UBAC2: variants seen among roughly 807,000 people sequenced by gnomAD.
UBAC2 encodes the protein UBA domain containing 2, also known as ubiquitin-associated domain-containing protein 2.
UBAC2 carries 26 observed loss-of-function variants against 44.0 expected under a neutral mutation model. The ratio of observed to expected loss-of-function variants is 0.59; its 90% CI spans 0.43 to 0.82. The LOEUF (loss-of-function observed/expected upper bound fraction) is 0.82, where lower values mean the gene tolerates loss of function less well. Ranked by LOEUF, UBAC2 falls within the 40% of genes least tolerant of loss-of-function variation. The pLI is 0.00. For missense variants in UBAC2, 329 were observed against 419.4 expected (o/e 0.78, Z 1.88); for synonymous variants, 155 against 154.3 (o/e 1.00, Z -0.04).
At position 99,381,079 on chromosome 13, in the gene UBAC2, G is replaced by A. The variant is rs906058980; in HGVS notation, c.928-4149G>A. ...TCTGAGAGAATGAACTCAGAAGGAA[G>A]TCTCGTGTACATAGAAAGCTTTCGT... On this transcript the variant is annotated intron_variant, in intron 8 of 8. Transcript: ENST00000403766. 3.2e-4 allele frequency among the ~76,000 whole-genome samples: 49 copies of A among 152,264 alleles called. 1 individual carries two copies. Among genetic ancestry groups the A allele is most frequent in the Non-Finnish European group, 4.4e-5 (3 of 68,042 alleles).
At chr13:99,361,772 A>G (rs1237196420) in intron 7 of UBAC2, among the ~76,000 whole-genome samples, 1 of 152,164 alleles carries the variant, frequency 6.6e-6, no homozygotes, top group Non-Finnish European at 1.5e-5. Flanking sequence ...GTGAGCAGAC[A>G]TTGCCAAATA....
Position 99,385,454 on chromosome 13 carries a change from G to A in UBAC2, c.*119G>A. 1 of 792,186 alleles carries A rather than the reference G, an allele frequency of 1.3e-6. No homozygotes were observed. The highest frequency in any genetic ancestry group is 1.7e-5 in the African/African-American group (1 of 59,030). The allele number at this position is 792,186 out of a possible 1,614,324, so 49.1% of individuals were successfully genotyped here. A position where few individuals can be genotyped will look rare whatever the true frequency, so the allele number is the denominator to read the frequency against. ...GCTGATGTTCTTGTGGGAAGAGGGA[G>A]GTTCCACCGCACCCCTGCCCTCAAC... On this transcript the variant is annotated 3_prime_UTR_variant, in exon 9 of 9. Transcript: ENST00000403766.
At chr13:99,310,850 CA>C (rs921349853) in intron 4 of UBAC2, among the ~76,000 whole-genome samples, 6 of 151,976 alleles carry the variant, frequency 3.9e-5, no homozygotes, top group African/African-American at 1.5e-4. Context: ...TAAATGTAAA[CA>C]GAAGAACTTC....
At chr13:99,307,853 C>T (rs2044359135) in intron 4 of UBAC2, 1 of 152,124 alleles carries the variant, frequency 6.6e-6, no homozygotes, top group African/African-American at 2.4e-5. Flanking sequence ...TTACACATTC[C>T]ACCTTATCCA....
At chr13:99,208,871 G>T (rs2042906712) in intron 1 of UBAC2, among the ~76,000 whole-genome samples, 1 of 152,172 alleles carries the variant, frequency 6.6e-6, no homozygotes, top group African/African-American at 2.4e-5. Context: ...TATCCCTTTT[G>T]CCTCCTTGAC....
chr13:99,305,541 C>T (rs1391539134), intron 4 of UBAC2, among the ~76,000 whole-genome samples: 3 of 152,130 alleles, frequency 2.0e-5, no homozygotes, highest in East Asian at 1.9e-4. Flanking sequence ...TAGAATGCTA[C>T]AGAACCAACC....
At chr13:99,214,380 G>T (rs1461572295) in intron 1 of UBAC2, among the ~76,000 whole-genome samples, 1 of 151,998 alleles carries the variant, frequency 6.6e-6, no homozygotes, top group Non-Finnish European at 1.5e-5. Context: ...TTGTTTGTGG[G>T]TACAGCCTTT....
chr13:99,273,039 T>G (rs1253946477), intron 4 of UBAC2, among the ~76,000 whole-genome samples: 1 of 152,024 alleles, frequency 6.6e-6, no homozygotes, highest in African/African-American at 2.4e-5. Context: ...AAGATTAACC[T>G]AACTATTCTT....
chr13:99,349,083 G>A (rs1007816077), intron 7 of UBAC2, among the ~76,000 whole-genome samples: 1 of 152,234 alleles, frequency 6.6e-6, no homozygotes, highest in African/African-American at 2.4e-5. Context: ...GCTCATCACA[G>A]TGAAGGACGA....
intron 8 of UBAC2, among the ~76,000 whole-genome samples, chr13:99,380,467 G>A (rs556015065): frequency 6.6e-6 from 1 of 152,174 alleles, no homozygotes; most frequent in Non-Finnish European, 1.5e-5. Context: ...TCTCTGTGCT[G>A]CTAGTTTTTG....
intron 8 of UBAC2, among the ~76,000 whole-genome samples, chr13:99,380,486 C>G (rs1343758384): frequency 6.6e-6 from 1 of 152,162 alleles, no homozygotes; most frequent in African/African-American, 2.4e-5. Flanking sequence ...TGCTCCAGTT[C>G]TTACTGTCTA....
chr13:99,285,388 T>G (rs576581221), intron 4 of UBAC2, among the ~76,000 whole-genome samples: 89 of 151,754 alleles, frequency 5.9e-4, no homozygotes, highest in African/African-American at 2.2e-3. Flanking sequence ...ATTATTACCT[T>G]TCTTCTTTTT....
At position 99,295,104 on chromosome 13, in the gene UBAC2, C is replaced by A; in HGVS notation, c.390-18993C>A. ...TTGGAATGTATCATCATCTGCGTTT[C>A]TGTCATTTCACGTGAATTTTCTTCA... On this transcript the variant is annotated intron_variant, in intron 4 of 8. Transcript: ENST00000403766. This position sits in a 1 kb window ranked among gnomAD's most constrained non-coding sequence, Gnocchi z 4.1. The A allele has an allele frequency of 1.2e-6, 2 of 1,614,072 alleles. No homozygotes were observed. Among genetic ancestry groups the A allele is most frequent in the Non-Finnish European group, 1.7e-6 (2 of 1,179,978 alleles).
intron 4 of UBAC2, among the ~76,000 whole-genome samples, chr13:99,268,954 G>A (rs1234393644): frequency 1.3e-5 from 2 of 152,172 alleles, no homozygotes; most frequent in Non-Finnish European, 2.9e-5. Context: ...TGTTGAAAGG[G>A]CTGCCCAGTG....
At chr13:99,381,340 C>G (rs951095672) in intron 8 of UBAC2, among the ~76,000 whole-genome samples, 2 of 152,220 alleles carry the variant, frequency 1.3e-5, no homozygotes, top group Non-Finnish European at 2.9e-5. Context: ...CACACTTCAT[C>G]ACTCCAGATT....
chr13:99,324,997 A>G (rs141913193), intron 6 of UBAC2, among the ~76,000 whole-genome samples: 2 of 152,142 alleles, frequency 1.3e-5, no homozygotes, highest in Non-Finnish European at 2.9e-5. Flanking sequence ...TGTCCTTATC[A>G]TTAAGCAACA....
chr13:99,284,256 C>T (rs7338185), intron 4 of UBAC2, among the ~76,000 whole-genome samples: 38,228 of 152,168 alleles, frequency 0.25, 6,016 homozygotes, highest in Non-Finnish European at 0.35. Context: ...GGGGGAAGTG[C>T]CCCCATGAAT....
chr13:99,362,465 A>T (rs1270878054), intron 7 of UBAC2, among the ~76,000 whole-genome samples: 6 of 152,196 alleles, frequency 3.9e-5, no homozygotes, highest in Non-Finnish European at 4.4e-5. Context: ...GTGTCAGTTT[A>T]TACTCTCATC....
At chr13:99,250,898 C>G (rs1473847342) in intron 4 of UBAC2, among the ~76,000 whole-genome samples, 1 of 152,124 alleles carries the variant, frequency 6.6e-6, no homozygotes, top group Admixed American at 6.6e-5. Context: ...AGGCGCCCAC[C>G]ACCATGCCTG....
Sources: gnomAD v4.1 joint callset for allele counts (sites outside exome capture counted in the v4.1 genomes callset) on GRCh38, gnomAD v4.1.1 for gene constraint, Gnocchi (gnomAD v3.1) non-coding constraint, MANE v1.5 for transcripts, NCBI Gene and HGNC (gene_info 2026-07-23, HGNC 2026-07-21) for gene names.